The following RBBP9 variants were observed in gnomAD, a reference collection of about 807,000 sequenced individuals.
The protein encoded by RBBP9 is serine hydrolase RBBP9.
A neutral mutation model predicts 24.2 loss-of-function variants in RBBP9; 20 were observed. That is an observed-to-expected ratio of 0.83 (90% CI 0.58 to 1.20). The LOEUF (loss-of-function observed/expected upper bound fraction) is 1.20, where lower values mean the gene tolerates loss of function less well. RBBP9 is among the 50% of genes most tolerant of loss of function. The probability of loss-of-function intolerance (pLI) is 0.00; values close to 1 mark genes in which losing one functional copy is unlikely to be tolerated. For missense variants in RBBP9, 234 were observed against 233.6 expected, an observed-to-expected ratio of 1.00 and a Z score of -0.01; for synonymous variants, 74 against 84.6, an observed-to-expected ratio of 0.87 and a Z score of 0.69.
chr20:18,494,502 A>AC (rs1306187049), intron 2 of RBBP9, among the ~76,000 whole-genome samples: 1 of 151,730 alleles, frequency 6.6e-6, no homozygotes, highest in East Asian at 1.9e-4. Flanking sequence ...AAATGCTGAA[A>AC]CCCCGTCTCT....
rs761137904 is a variant in RBBP9 at position 18,489,949 on chromosome 20, T to C, written c.376A>G (p.Asn126Asp). 1 of 1,610,222 alleles carries C rather than the reference T, an allele frequency of 6.2e-7. No homozygotes were observed. Among genetic ancestry groups the C allele is most frequent in the East Asian group, 2.2e-5 (1 of 44,728 alleles). ...RPWQWEKIKA[N>D]CPYIVQFGST... is the part of the protein sequence containing the mutation. ...CCAAACTGCACAATGTAAGGGCAGT[T>C]GGCCTTGATCTTCTCCCACTGCCAG... Residue 126 changes from asparagine (N) to aspartate (D), a missense_variant, in exon 5 of 5, where the codon AAC becomes GAC. Transcript: ENST00000337227.
intron 3 of RBBP9, among the ~76,000 whole-genome samples, chr20:18,492,066 C>T (rs1320379281): frequency 7.0e-6 from 1 of 141,858 alleles, no homozygotes; most frequent in Non-Finnish European, 1.5e-5. Context: ...CACTGCACTC[C>T]AGCCCGGGCA....
At chr20:18,496,324 C>T (rs2059886664) in intron 1 of RBBP9, among the ~76,000 whole-genome samples, 1 of 152,134 alleles carries the variant, frequency 6.6e-6, no homozygotes, top group Non-Finnish European at 1.5e-5. Flanking sequence ...CACAGCGCTG[C>T]AATCTATTCT....
Position 18,494,074 on chromosome 20 carries a change from AG to A in RBBP9, c.143-12del, listed in dbSNP as rs777754026. 60 of 1,607,296 alleles carry A rather than the reference AG, an allele frequency of 3.7e-5. 1 individual carries two copies. The highest frequency in any genetic ancestry group is 5.0e-5 in the Non-Finnish European group (59 of 1,175,048). Reference sequence around the variant, plus strand: ...TCTCTCGTGCTGTAACTTAAGGTTCAGGGTAAAGAAAAAGTCTGTCATTTGA... The same window carrying A: ...TCTCTCGTGCTGTAACTTAAGGTTCAGGTAAAGAAAAAGTCTGTCATTTGA... On this transcript the variant is annotated splice_polypyrimidine_tract_variant and intron_variant, in intron 2 of 4. Transcript: ENST00000337227.
chr20:18,495,104 A>C (rs2059880705), intron 2 of RBBP9, among the ~76,000 whole-genome samples: 2 of 150,786 alleles, frequency 1.3e-5, no homozygotes, highest in Admixed American at 1.3e-4. Flanking sequence ...CAGCTCATTG[A>C]GAACGGGCCA....
At chr20:18,493,842 C>T in intron 3 of RBBP9, 116 bp downstream of exon 3, 1 of 773,976 alleles carries the variant, frequency 1.3e-6, no homozygotes, top group Non-Finnish European at 2.0e-6. Context: ...TATGTTACCA[C>T]TTTAGAGGTC....
At chr20:18,496,881 G>A (rs554508432) in intron 1 of RBBP9, among the ~76,000 whole-genome samples, 188 bp downstream of exon 1, 2 of 152,098 alleles carry the variant, frequency 1.3e-5, no homozygotes, top group Non-Finnish European at 2.9e-5. Context: ...AAGTCTTCCA[G>A]GCAGTTTTAC....
Position 18,497,070 on chromosome 20 carries a change from T to C in RBBP9, c.98A>G (p.Lys33Arg). 6.2e-7 allele frequency: 1 copy of C among 1,613,774 alleles called. No homozygotes were observed. The highest frequency in any genetic ancestry group is 2.2e-5 in the East Asian group (1 of 44,874). Residue 33 changes from lysine to arginine, a missense_variant and splice_region_variant, in exon 1 of 5, where the codon AAG becomes AGG. Coordinates refer to ENST00000337227, the MANE Select transcript of RBBP9 (RefSeq NM_006606.3). ...GGAGCAGCGGCGTTGGGCGCTTACC[T>C]TCTCCAGCTCCTTTTTCACCCAGCC... is the stretch of plus-strand genomic sequence containing the variant. ...WYGWVKKELE[K>R]IPGFQCLAKN...
chr20:18,488,323 C>G lies in RBBP9; in HGVS notation c.*1441G>C, dbSNP rs1173998653. 2.0e-5 allele frequency: 3 copies of G among 151,894 alleles called. No individual in the cohort carries two copies. Among genetic ancestry groups the G allele is most frequent in the African/African-American group, 7.3e-5 (3 of 41,328 alleles). The allele number at this position is 151,894 out of a possible 1,614,324, so 9.4% of individuals were successfully genotyped here. A position where few individuals can be genotyped will look rare whatever the true frequency, so the allele number is the denominator to read the frequency against. ...TCGCTCCATCACCCAGGATGGAGTA[C>G]AGTGGCGCGATCATAGCTCACTGAA... On this transcript the variant is annotated 3_prime_UTR_variant, in exon 5 of 5. Coordinates refer to ENST00000337227, the MANE Select transcript of RBBP9 (RefSeq NM_006606.3).
At position 18,489,759 on chromosome 20, in the gene RBBP9, A is replaced by G; in HGVS notation, c.*5T>C. 1 of 1,574,764 alleles carries G rather than the reference A, an allele frequency of 6.4e-7. No individual in the cohort carries two copies. On this transcript the variant is annotated 3_prime_UTR_variant, in exon 5 of 5. Transcript: ENST00000337227. ...TGGGATGCAAAATAGCAGAAATCATACAGTCTATGCTGGTACTTTCAGCAA... is the reference window on the plus strand; with the variant it reads ...TGGGATGCAAAATAGCAGAAATCATGCAGTCTATGCTGGTACTTTCAGCAA...
chr20:18,495,482 C>G (rs1384391219), intron 2 of RBBP9, among the ~76,000 whole-genome samples: 2 of 151,552 alleles, frequency 1.3e-5, no homozygotes, highest in East Asian at 1.9e-4. Flanking sequence ...CCTAGGAAAA[C>G]CAGAGACCGT....
rs758302236 is a variant in RBBP9, at chr20:18,489,758, TAC to T, written c.*4_*5del. The T allele has an allele frequency of 1.3e-6, 2 of 1,572,744 alleles. No individual in the cohort carries two copies. Among genetic ancestry groups the T allele is most frequent in the Middle Eastern group, 1.8e-4 (1 of 5,566 alleles). ...TTGGGATGCAAAATAGCAGAAATCA[TAC>T]AGTCTATGCTGGTACTTTCAGCAAA... is the stretch of plus-strand genomic sequence containing the variant. On this transcript the variant is annotated 3_prime_UTR_variant, in exon 5 of 5. Transcript: ENST00000337227.
chr20:18,488,185 G>T lies in RBBP9; in HGVS notation c.*1579C>A, dbSNP rs1453880927. ...TGCAACATCAAGTGTGGATTCACTG[G>T]AAATTATTTGAAGGAACACATAGCG... On this transcript the variant is annotated 3_prime_UTR_variant, in exon 5 of 5. Coordinates refer to ENST00000337227, the MANE Select transcript of RBBP9 (RefSeq NM_006606.3). 6.6e-6 allele frequency: 1 copy of T among 151,938 alleles called. No homozygotes were observed. Among genetic ancestry groups the T allele is most frequent in the East Asian group, 1.9e-4 (1 of 5,198 alleles). 9.4% of individuals were successfully genotyped at this position (151,938 alleles called of 1,614,324 possible).
rs368159380 is a variant in RBBP9 at position 18,489,978 on chromosome 20, C to G, written c.347G>C (p.Arg116Pro). ...CTTGATCTTCTCCCACTGCCAGGGG[C>G]GGGTGAAGTATCCTATGGGGAAAAA... is the stretch of plus-strand genomic sequence containing the variant. ...ENERASGYFTRPWQWEKIKAN... is the reference protein window; with the variant it reads ...ENERASGYFTPPWQWEKIKAN... The change falls in exon 5 of 5, where the codon CGC (arginine) becomes CCC (proline). Residue 116 changes from arginine (R) to proline (P), a missense_variant. By Grantham distance (103) the Arg-to-Pro change is moderately radical. Transcript: ENST00000337227. 10 of 1,601,916 alleles carry G rather than the reference C, an allele frequency of 6.2e-6. No homozygotes were observed. In the African/African-American group the frequency reaches 1.2e-4, roughly 19 times the overall value.
At chr20:18,490,106 G>A in intron 4 of RBBP9, 116 bp from the exon 5 acceptor site, 1 of 716,962 alleles carries the variant, frequency 1.4e-6, no homozygotes, top group Non-Finnish European at 2.3e-6. Context: ...CTCCGTGTGA[G>A]TTAGAAGCAC....
Position 18,487,779 on chromosome 20 carries a change from CT to C in RBBP9, c.*1984del, listed in dbSNP as rs2096098627. The C allele has an allele frequency of 6.6e-6, 1 of 152,152 alleles. No individual in the cohort carries two copies. The highest frequency in any genetic ancestry group is 1.5e-5 in the Non-Finnish European group (1 of 68,048). The allele number at this position is 152,152 out of a possible 1,614,324, so 9.4% of individuals were successfully genotyped here. A position where few individuals can be genotyped will look rare whatever the true frequency, so the allele number is the denominator to read the frequency against. Reference sequence around the variant, plus strand: ...CCAGCCTGGCCAACATGGTGAAACCCTGTCTCTACTAAAAATACAAAAATTA... The same window carrying C: ...CCAGCCTGGCCAACATGGTGAAACCCGTCTCTACTAAAAATACAAAAATTA... On this transcript the variant is annotated 3_prime_UTR_variant, in exon 5 of 5. Coordinates refer to ENST00000337227, the MANE Select transcript of RBBP9 (RefSeq NM_006606.3).
intron 3 of RBBP9, 119 bp from the exon 4 acceptor site, chr20:18,490,599 T>C: frequency 1.6e-6 from 1 of 640,384 alleles, no homozygotes; most frequent in Non-Finnish European, 2.7e-6. Context: ...CTACCTGCTG[T>C]TGAGGTTGAT....
chr20:18,490,270 A>G (rs1273779020), intron 4 of RBBP9, 125 bp downstream of exon 4: 5 of 742,528 alleles, frequency 6.7e-6, no homozygotes, highest in Non-Finnish European at 1.2e-5. Context: ...GATAGGTGGT[A>G]TATCTTTCTC....
intron 3 of RBBP9, among the ~76,000 whole-genome samples, chr20:18,493,575 G>C (rs1013490242): frequency 1.3e-4 from 20 of 152,198 alleles, no homozygotes; most frequent in African/African-American, 2.4e-5. Context: ...TCTAGGGCCA[G>C]AGTATCCCAG....
Sources: allele counts gnomAD v4.1 joint callset (sites outside exome capture counted in the v4.1 genomes callset), GRCh38; gene constraint gnomAD v4.1.1; transcripts MANE v1.5; gene names NCBI Gene and HGNC (gene_info 2026-07-23, HGNC 2026-07-21).